The following FGF12 variants were observed in gnomAD, a reference collection of about 807,000 sequenced individuals.
FGF12 encodes fibroblast growth factor 12B.
FGF12 carries 14 observed loss-of-function variants against 23.6 expected under a neutral mutation model. The ratio of observed to expected loss-of-function variants is 0.59; its 90% CI spans 0.39 to 0.93. The LOEUF is 0.93. Ranked by LOEUF, FGF12 falls within the 40% of genes least tolerant of loss-of-function variation. The probability of loss-of-function intolerance (pLI) is 0.00; values close to 1 mark genes in which losing one functional copy is unlikely to be tolerated. For synonymous variants in FGF12, 62 were observed against 77.3 expected (o/e 0.80, Z 1.04); for missense variants, 175 against 217.8 (o/e 0.80, Z 1.24).
chr3:192,613,497 T>G (rs911085151), intron 2 of FGF12, among the ~76,000 whole-genome samples: 1 of 151,946 alleles, frequency 6.6e-6, no homozygotes, highest in African/African-American at 2.4e-5. Flanking sequence ...AATAGATTAT[T>G]ATATCTAGGT....
intron 4 of FGF12, among the ~76,000 whole-genome samples, chr3:192,333,389 C>T (rs1304495028): frequency 6.6e-6 from 1 of 151,972 alleles, no homozygotes; most frequent in Non-Finnish European, 1.5e-5. Flanking sequence ...GTAAGACTAA[C>T]TAGAAATATT....
At chr3:192,445,613 T>G (rs548960712) in intron 2 of FGF12, among the ~76,000 whole-genome samples, 3 of 152,286 alleles carry the variant, frequency 2.0e-5, no homozygotes, top group Admixed American at 2.0e-4. Context: ...GATCCATATC[T>G]TCACCTAGAA....
At chr3:192,430,669 C>T (rs1388713500) in intron 2 of FGF12, among the ~76,000 whole-genome samples, 1 of 152,128 alleles carries the variant, frequency 6.6e-6, no homozygotes, top group Non-Finnish European at 1.5e-5. Context: ...GGCTAGAAGA[C>T]ATTCAATTCA....
chr3:192,423,570 T>A (rs1223426942), intron 2 of FGF12, among the ~76,000 whole-genome samples: 3 of 152,168 alleles, frequency 2.0e-5, no homozygotes, highest in Non-Finnish European at 4.4e-5. Context: ...AATCACCACA[T>A]ACAATACTTG....
chr3:192,182,709 G>A (rs34931749), intron 4 of FGF12, among the ~76,000 whole-genome samples: 13,948 of 152,046 alleles, frequency 0.092, 677 homozygotes, highest in East Asian at 0.13. Flanking sequence ...AACTCTACTC[G>A]CTTCATTTTT....
At chr3:192,311,226 C>G (rs1357040694) in intron 4 of FGF12, among the ~76,000 whole-genome samples, 1 of 152,042 alleles carries the variant, frequency 6.6e-6, no homozygotes, top group East Asian at 1.9e-4. Context: ...AGTTGTAAAA[C>G]CATCACCCCA....
At chr3:192,285,370 C>T (rs1258520002) in intron 4 of FGF12, among the ~76,000 whole-genome samples, 1 of 152,034 alleles carries the variant, frequency 6.6e-6, no homozygotes, top group Non-Finnish European at 1.5e-5. Flanking sequence ...TCACTACAAT[C>T]TCAAGCAAAT....
chr3:192,581,628 T>C (rs1560158322), intron 2 of FGF12, among the ~76,000 whole-genome samples: 1 of 152,094 alleles, frequency 6.6e-6, no homozygotes, highest in East Asian at 1.9e-4. Flanking sequence ...TTTCCTTCCA[T>C]TGAAATATTC....
chr3:192,258,987 G>A (rs1712579786), intron 4 of FGF12, among the ~76,000 whole-genome samples: 1 of 152,088 alleles, frequency 6.6e-6, no homozygotes, highest in African/African-American at 2.4e-5. Flanking sequence ...TATTACTTAC[G>A]TAACTGCAGT....
chr3:192,361,293 A>G lies in FGF12; in HGVS notation c.14-755T>C, dbSNP rs188878281. On this transcript the variant is annotated intron_variant, in intron 2 of 5. Transcript: ENST00000445105. ...TTTCAAACTAACCTTTGTATAACAC[A>G]TTTGAATTTTTGTGCATCAGCTAAT... 4.7e-4 allele frequency among the ~76,000 whole-genome samples: 72 copies of G among 152,190 alleles called. 2 individuals are homozygous for G. The East Asian group carries it at 0.012, about 25-fold the overall frequency.
intron 5 of FGF12, 125 bp from the exon 6 acceptor site, chr3:192,144,252 AAC>A (rs575076664): frequency 8.6e-5 from 52 of 603,952 alleles, no homozygotes; most frequent in Admixed American, 2.7e-4. Flanking sequence ...ATTATAAAAA[AAC>A]AGTTTTAACT....
At chr3:192,524,318 G>C (rs1481213963) in intron 2 of FGF12, among the ~76,000 whole-genome samples, 2 of 152,340 alleles carry the variant, frequency 1.3e-5, no homozygotes, top group East Asian at 1.9e-4. Context: ...AGAAGCAGAA[G>C]GCAGCCATTC....
intron 2 of FGF12, among the ~76,000 whole-genome samples, chr3:192,515,805 A>G (rs893843212): frequency 4.4e-4 from 64 of 144,770 alleles, no homozygotes; most frequent in African/African-American, 1.5e-3. Flanking sequence ...AAAGATCTCG[A>G]TTTTTTTTTC....
At chr3:192,393,300 G>A (rs1720387021) in intron 2 of FGF12, among the ~76,000 whole-genome samples, 1 of 152,230 alleles carries the variant, frequency 6.6e-6, no homozygotes, top group Non-Finnish European at 1.5e-5. Flanking sequence ...AAACTAGCCA[G>A]TGATTCAGTA....
intron 2 of FGF12, among the ~76,000 whole-genome samples, chr3:192,630,223 T>C (rs1715332154): frequency 6.6e-6 from 1 of 152,090 alleles, no homozygotes; most frequent in African/African-American, 2.4e-5. Context: ...TCCTGGGGCC[T>C]CCCCAGAAGC....
intron 2 of FGF12, among the ~76,000 whole-genome samples, chr3:192,558,277 T>C (rs748022473): frequency 3.3e-5 from 5 of 151,902 alleles, no homozygotes; most frequent in Non-Finnish European, 1.5e-5. Context: ...TGTGTTTCTA[T>C]ACACTAATAC....
At chr3:192,662,505 A>T (rs1716708857) in intron 2 of FGF12, among the ~76,000 whole-genome samples, 1 of 152,160 alleles carries the variant, frequency 6.6e-6, no homozygotes, top group South Asian at 2.1e-4. Flanking sequence ...TCTCCAATAC[A>T]TTCATTTGCT....
At chr3:192,556,602 T>G (rs73887630) in intron 2 of FGF12, among the ~76,000 whole-genome samples, 1 of 152,130 alleles carries the variant, frequency 6.6e-6, no homozygotes, top group East Asian at 1.9e-4. Context: ...CTTTCAATAA[T>G]GGACCAAACA....
At chr3:192,207,540 T>G (rs1228743415) in intron 4 of FGF12, among the ~76,000 whole-genome samples, 1 of 152,072 alleles carries the variant, frequency 6.6e-6, no homozygotes, top group Non-Finnish European at 1.5e-5. Flanking sequence ...ATGTTCAGTG[T>G]ATTTGGAGAG....
Sources: allele counts gnomAD v4.1 joint callset (sites outside exome capture counted in the v4.1 genomes callset), GRCh38; gene constraint gnomAD v4.1.1; transcripts MANE v1.5; gene names NCBI Gene and HGNC (gene_info 2026-07-23, HGNC 2026-07-21).